PTAR1: variants seen among roughly 807,000 people sequenced by gnomAD.
PTAR1 encodes the protein protein prenyltransferase alpha subunit repeat containing 1.
In PTAR1, 17 loss-of-function variants were observed where a neutral mutation model predicts 45.5. The ratio of observed to expected loss-of-function variants is 0.37; its 90% CI spans 0.26 to 0.56. The LOEUF is 0.56. Ranked by LOEUF, PTAR1 falls within the 20% of genes least tolerant of loss-of-function variation. PTAR1 has a pLI of 0.77. For synonymous variants in PTAR1, 169 were observed against 171.3 expected, an observed-to-expected ratio of 0.99 and a Z score of 0.11; for missense variants, 391 against 476.3, an observed-to-expected ratio of 0.82 and a Z score of 1.67.
chr9:69,749,354 A>G lies in PTAR1; in HGVS notation c.256+1427T>C, dbSNP rs140049554. Among the ~76,000 whole-genome samples the G allele has an allele frequency of 1.4e-4, 21 of 152,328 alleles. No individual in the cohort carries two copies. In the East Asian group the frequency reaches 4.0e-3, roughly 29 times the overall value. The stretch of plus-strand genomic sequence containing the variant: ...TTCTGTGCACCAGAATATAAACAGT[A>G]CAGCTTTGTTTGGCAAAAAATAACT... On this transcript the variant is annotated intron_variant, in intron 2 of 7. Transcript: ENST00000340434.
At chr9:69,743,534 G>A (rs1448419487) in intron 2 of PTAR1, among the ~76,000 whole-genome samples, 1 of 152,090 alleles carries the variant, frequency 6.6e-6, no homozygotes, top group East Asian at 1.9e-4. Context: ...CAATTCAAAT[G>A]AGCAACAAAC....
rs1824532109 is a variant in PTAR1, at chr9:69,711,720, C to G, written c.*6622G>C. The G allele has an allele frequency of 6.6e-6, 1 of 152,124 alleles. No homozygotes were observed. Among genetic ancestry groups the G allele is most frequent in the African/African-American group, 2.4e-5 (1 of 41,450 alleles). 9.4% of individuals were successfully genotyped at this position (152,124 alleles called of 1,614,324 possible). On this transcript the variant is annotated 3_prime_UTR_variant, in exon 8 of 8. Transcript: ENST00000340434. ...TTAATATGCCTTGCACAAGAAAATA[C>G]TACTTAATCTTTCACATCTCCTATC...
At position 69,723,348 on chromosome 9, in the gene PTAR1, G is replaced by A. The variant is rs1564128025; in HGVS notation, c.925C>T (p.His309Tyr). The change falls in exon 6 of 8, where the codon CAT (histidine) becomes TAT (tyrosine). Residue 309 changes from histidine (H) to tyrosine (Y), a missense_variant. Coordinates refer to ENST00000340434, the MANE Select transcript of PTAR1 (RefSeq NM_001099666.2). ...TACCTATGACACCAAAGGGTTTCAT[G>A]TCCTGGGTAGGAATCAATAAGATCA... is the stretch of plus-strand genomic sequence containing the variant. ...STDLIDSYPG[H>Y]ETLWCHRRHI... is the part of the protein sequence containing the mutation. The A allele has an allele frequency of 6.2e-7, 1 of 1,613,698 alleles. No homozygotes were observed. Among genetic ancestry groups the A allele is most frequent in the Non-Finnish European group, 8.5e-7 (1 of 1,179,694 alleles).
chr9:69,759,510 G>C (rs1376114523), intron 1 of PTAR1, among the ~76,000 whole-genome samples: 1 of 152,192 alleles, frequency 6.6e-6, no homozygotes, highest in Non-Finnish European at 1.5e-5. Context: ...ACATCGTTGT[G>C]TGCGCCCGAG....
intron 3 of PTAR1, 27 bp from the exon 4 acceptor site, chr9:69,734,281 AAAAAT>A: frequency 8.8e-7 from 1 of 1,130,460 alleles, no homozygotes; most frequent in Non-Finnish European, 1.2e-6. Context: ...AAAAAAAAAA[AAAAAT>A]TAAACATTAC....
At position 69,715,881 on chromosome 9, in the gene PTAR1, A is replaced by G. The variant is rs1349693886; in HGVS notation, c.*2461T>C. 6.6e-6 allele frequency: 1 copy of G among 152,184 alleles called. No individual in the cohort carries two copies. The highest frequency in any genetic ancestry group is 1.9e-4 in the East Asian group (1 of 5,200). 9.4% of individuals were successfully genotyped at this position (152,184 alleles called of 1,614,324 possible). On this transcript the variant is annotated 3_prime_UTR_variant, in exon 8 of 8. Coordinates refer to ENST00000340434, the MANE Select transcript of PTAR1 (RefSeq NM_001099666.2). ...TACATACTAACAGTATCCTTTGGGT[A>G]TTTGCATTTTTGCTCTCTACTTTAA... is the stretch of plus-strand genomic sequence containing the variant.
chr9:69,737,828 A>G (rs1825861150), intron 3 of PTAR1, among the ~76,000 whole-genome samples: 1 of 152,188 alleles, frequency 6.6e-6, no homozygotes, highest in African/African-American at 2.4e-5. Flanking sequence ...TTAAAAATAA[A>G]CTTTTTATTT....
At chr9:69,719,254 T>G (rs2134072370) in intron 6 of PTAR1, among the ~76,000 whole-genome samples, 2 of 152,236 alleles carry the variant, frequency 1.3e-5, no homozygotes, top group East Asian at 3.9e-4. Flanking sequence ...CCACATGCAT[T>G]GGGGATGTGC....
chr9:69,720,925 T>G (rs1824970494), intron 6 of PTAR1, among the ~76,000 whole-genome samples: 1 of 152,206 alleles, frequency 6.6e-6, no homozygotes, highest in African/African-American at 2.4e-5. Context: ...CACCTAGTCA[T>G]GTGAGAGCTC....
intron 6 of PTAR1, among the ~76,000 whole-genome samples, chr9:69,722,068 A>G (rs183484525): frequency 2.6e-4 from 40 of 152,322 alleles, no homozygotes; most frequent in African/African-American, 9.4e-4. Context: ...TTCTCTACTA[A>G]TGAAGGTGCC....
chr9:69,750,717 C>A, intron 2 of PTAR1, 64 bp downstream of exon 2: 2 of 1,173,186 alleles, frequency 1.7e-6, no homozygotes, highest in Admixed American at 2.5e-5. Flanking sequence ...CAGAGAAGGG[C>A]TCTTCCTACT....
intron 5 of PTAR1, among the ~76,000 whole-genome samples, chr9:69,731,422 T>A (rs879523799): frequency 3.3e-5 from 5 of 152,174 alleles, no homozygotes; most frequent in Admixed American, 6.5e-5. Flanking sequence ...CACCGTAGTA[T>A]ATAAGGAGCA....
chr9:69,742,307 CAAAAATTATCCTTT>C (rs1053873793), intron 2 of PTAR1, among the ~76,000 whole-genome samples: 1 of 152,064 alleles, frequency 6.6e-6, no homozygotes, highest in African/African-American at 2.4e-5. Context: ...CATTCTCCTG[CAAAAATTATCCTTT>C]CTTGCACATA....
chr9:69,718,094 T>C lies in PTAR1; in HGVS notation c.*248A>G. ...GCCCCACATATAGAAATACAAAGGG[T>C]GAGAAGTTAAACAGAAAATTTAAGA... is the stretch of plus-strand genomic sequence containing the variant. On this transcript the variant is annotated 3_prime_UTR_variant, in exon 8 of 8. Coordinates refer to ENST00000340434, the MANE Select transcript of PTAR1 (RefSeq NM_001099666.2). 1 of 384,178 alleles carries C rather than the reference T, an allele frequency of 2.6e-6. No homozygotes were observed. The highest frequency in any genetic ancestry group is 4.7e-6 in the Non-Finnish European group (1 of 213,304). 23.8% of individuals were successfully genotyped at this position (384,178 alleles called of 1,614,324 possible).
chr9:69,737,349 G>T, intron 3 of PTAR1, among the ~76,000 whole-genome samples: 1 of 152,096 alleles, frequency 6.6e-6, no homozygotes, highest in East Asian at 1.9e-4. Context: ...CCAAAGTGCT[G>T]GGATTACAGG....
rs1824738780 is a variant in PTAR1 at position 69,716,659 on chromosome 9, T to G, written c.*1683A>C. The G allele has an allele frequency of 6.6e-6, 1 of 152,162 alleles. No homozygotes were observed. 9.4% of individuals were successfully genotyped at this position (152,162 alleles called of 1,614,324 possible). A position where few individuals can be genotyped will look rare whatever the true frequency, so the allele number is the denominator to read the frequency against. ...CTTTATCCCCACTTTACAAATTACC[T>G]AGCAAGTAAAAAGAACAACAGGCAA... On this transcript the variant is annotated 3_prime_UTR_variant, in exon 8 of 8. Coordinates refer to ENST00000340434, the MANE Select transcript of PTAR1 (RefSeq NM_001099666.2).
chr9:69,718,215 CTTTCAACCTAAAGACG>C lies in PTAR1; in HGVS notation c.*111_*126del, dbSNP rs1824808707. 3.3e-6 allele frequency: 2 copies of C among 606,734 alleles called. No homozygotes were observed. The highest frequency in any genetic ancestry group is 3.1e-5 in the Admixed American group (1 of 31,872). 37.6% of individuals were successfully genotyped at this position (606,734 alleles called of 1,614,324 possible). On this transcript the variant is annotated 3_prime_UTR_variant, in exon 8 of 8. Coordinates refer to ENST00000340434, the MANE Select transcript of PTAR1 (RefSeq NM_001099666.2). ...AATAAAATGAAAGATTTACTATGGA[CTTTCAACCTAAAGACG>C]AAGAACATATGGTTAGCCAATAATA...
intron 1 of PTAR1, chr9:69,758,374 A>G (rs1223657847): frequency 1.1e-5 from 1 of 92,972 alleles, no homozygotes; most frequent in Non-Finnish European, 2.6e-5. Context: ...CATTTGTCCA[A>G]CTTTTTTTTT....
At chr9:69,748,229 CAAGAA>C (rs1453637047) in intron 2 of PTAR1, among the ~76,000 whole-genome samples, 1 of 151,954 alleles carries the variant, frequency 6.6e-6, no homozygotes, top group South Asian at 2.1e-4. Flanking sequence ...GAGAGAGGAG[CAAGAA>C]AAGATGGCAG....
Sources: gnomAD v4.1 joint callset for allele counts (sites outside exome capture counted in the v4.1 genomes callset) on GRCh38, gnomAD v4.1.1 for gene constraint, MANE v1.5 for transcripts, NCBI Gene and HGNC (gene_info 2026-07-23, HGNC 2026-07-21) for gene names.